Variants in SLC16A7 observed in about 807,000 individuals in gnomAD.
The protein encoded by SLC16A7 is solute carrier family 16 member 7, also known as monocarboxylate transporter 2.
A neutral mutation model predicts 34.9 loss-of-function variants in SLC16A7; 33 were observed. That is an observed-to-expected ratio of 0.94 (90% CI 0.72 to 1.26). SLC16A7 has a LOEUF of 1.26. Ranked by LOEUF, SLC16A7 falls within the 50% of genes most tolerant of loss-of-function variation. The pLI is 0.00. For missense variants in SLC16A7, 573 were observed against 578.1 expected (o/e 0.99, Z 0.09); for synonymous variants, 201 against 206.6 (o/e 0.97, Z 0.23).
chr12:59,696,353 T>C (rs1872291027), intron 2 of SLC16A7: 1 of 152,060 alleles, frequency 6.6e-6, no homozygotes, highest in Non-Finnish European at 1.5e-5. Context: ...GCTTATTGAA[T>C]TCAAATATGC....
chr12:59,621,968 T>C (rs939855071), intron 1 of SLC16A7, among the ~76,000 whole-genome samples: 3 of 151,814 alleles, frequency 2.0e-5, no homozygotes, highest in Non-Finnish European at 4.4e-5. Flanking sequence ...ACGCACACTT[T>C]TGTGGTCTCT....
At chr12:59,764,723 A>C (rs1881404182) in intron 3 of SLC16A7, among the ~76,000 whole-genome samples, 1 of 152,104 alleles carries the variant, frequency 6.6e-6, no homozygotes, top group Non-Finnish European at 1.5e-5. Context: ...TTCTTAATCC[A>C]GTCTATCATT....
At chr12:59,764,554 T>C (rs1306948236) in intron 3 of SLC16A7, among the ~76,000 whole-genome samples, 1 of 146,372 alleles carries the variant, frequency 6.8e-6, no homozygotes, top group African/African-American at 2.5e-5. Context: ...CATTGTTCAA[T>C]TCCCACCTGT....
intron 2 of SLC16A7, among the ~76,000 whole-genome samples, chr12:59,686,903 T>C (rs924151616): frequency 3.9e-5 from 6 of 151,996 alleles, no homozygotes; most frequent in African/African-American, 1.2e-4. Context: ...AACAATATAT[T>C]ATATATTTGA....
chr12:59,600,694 A>G (rs1878639797), intron 1 of SLC16A7, among the ~76,000 whole-genome samples: 1 of 152,214 alleles, frequency 6.6e-6, no homozygotes, highest in African/African-American at 2.4e-5. Flanking sequence ...ATCATTAAAA[A>G]TGTGGGAGAA....
intron 1 of SLC16A7, among the ~76,000 whole-genome samples, chr12:59,619,175 G>C (rs1182270391): frequency 6.6e-6 from 1 of 151,868 alleles, no homozygotes; most frequent in Non-Finnish European, 1.5e-5. Flanking sequence ...ATTCCTTTTT[G>C]GATTTGTAGG....
intron 4 of SLC16A7, among the ~76,000 whole-genome samples, chr12:59,773,638 C>G (rs1882451030): frequency 6.6e-6 from 1 of 150,398 alleles, no homozygotes; most frequent in African/African-American, 2.5e-5. Context: ...GATCTCGGCT[C>G]ACTGCAATCT....
chr12:59,651,956 T>C (rs1314377899), intron 1 of SLC16A7, among the ~76,000 whole-genome samples: 1 of 152,132 alleles, frequency 6.6e-6, no homozygotes, highest in African/African-American at 2.4e-5. Context: ...GCTTGAGGTA[T>C]TAATAAATAT....
chr12:59,675,231 G>A (rs944969971), intron 2 of SLC16A7, among the ~76,000 whole-genome samples: 3 of 152,168 alleles, frequency 2.0e-5, no homozygotes, highest in African/African-American at 2.4e-5. Flanking sequence ...ACTGATCGTA[G>A]TGTTATGGGC....
intron 3 of SLC16A7, among the ~76,000 whole-genome samples, chr12:59,765,912 AT>A (rs1165880381): frequency 6.6e-6 from 1 of 152,132 alleles, no homozygotes; most frequent in African/African-American, 2.4e-5. Context: ...GAATCTATAA[AT>A]TACCTTGGGC....
chr12:59,616,320 T>G (rs952171772), intron 1 of SLC16A7, among the ~76,000 whole-genome samples: 1 of 152,198 alleles, frequency 6.6e-6, no homozygotes, highest in African/African-American at 2.4e-5. Flanking sequence ...ATTTTGTCAT[T>G]GACTTTGAGC....
chr12:59,634,085 A>T (rs1880310130), intron 1 of SLC16A7, among the ~76,000 whole-genome samples: 1 of 152,094 alleles, frequency 6.6e-6, no homozygotes, highest in East Asian at 1.9e-4. Flanking sequence ...CGGGTTCATT[A>T]TCTTGTCCGT....
chr12:59,702,194 A>G (rs997722078), intron 2 of SLC16A7, among the ~76,000 whole-genome samples: 4 of 151,906 alleles, frequency 2.6e-5, no homozygotes, highest in African/African-American at 4.8e-5. Flanking sequence ...GCTATTTTCA[A>G]CTGGTTTCAC....
intron 1 of SLC16A7, among the ~76,000 whole-genome samples, chr12:59,619,734 A>T (rs1411626533): frequency 6.6e-6 from 1 of 151,970 alleles, no homozygotes; most frequent in Non-Finnish European, 1.5e-5. Flanking sequence ...CTCTGTTGGC[A>T]TGTGCAAGTG....
intron 1 of SLC16A7, among the ~76,000 whole-genome samples, chr12:59,602,691 G>T (rs1026710093): frequency 4.6e-5 from 7 of 151,710 alleles, no homozygotes; most frequent in African/African-American, 1.5e-4. Flanking sequence ...CACCATATTG[G>T]CCAGGCTGGT....
chr12:59,732,336 C>A (rs1409016864), intron 3 of SLC16A7, among the ~76,000 whole-genome samples: 1 of 152,096 alleles, frequency 6.6e-6, no homozygotes, highest in Non-Finnish European at 1.5e-5. Flanking sequence ...AGAAGAATTG[C>A]TTGAACCTGG....
chr12:59,779,535 G>T lies in SLC16A7; in HGVS notation c.1293G>T (p.Leu431Phe), dbSNP rs1883083962. The change falls in exon 6 of 6, where the codon TTG becomes TTT. Residue 431 changes from leucine (L) to phenylalanine (F), a missense_variant. Transcript: ENST00000547379. ...TTGGCAATGCTATCAACTATAGATTGCTTGCAAAGGAAAGGAAGGAGGAAA... is the reference window on the plus strand; with the variant it reads ...TTGGCAATGCTATCAACTATAGATTTCTTGCAAAGGAAAGGAAGGAGGAAA... ...LLIGNAINYR[L>F]LAKERKEENA... 6.2e-7 allele frequency: 1 copy of T among 1,612,944 alleles called. No individual in the cohort carries two copies. The highest frequency in any genetic ancestry group is 1.7e-5 in the Admixed American group (1 of 59,814).
chr12:59,597,079 G>C (rs1023880070), intron 1 of SLC16A7: 6 of 152,252 alleles, frequency 3.9e-5, no homozygotes, highest in African/African-American at 1.4e-4. Flanking sequence ...GCATCGCGGC[G>C]CCCTTCTCCA....
intron 3 of SLC16A7, among the ~76,000 whole-genome samples, chr12:59,741,675 A>T (rs1373899754): frequency 6.6e-6 from 1 of 152,204 alleles, no homozygotes; most frequent in Non-Finnish European, 1.5e-5. Flanking sequence ...TCTGAAGAAA[A>T]TTCACGGGAA....
Sources: allele counts gnomAD v4.1 joint callset (sites outside exome capture counted in the v4.1 genomes callset), GRCh38; gene constraint gnomAD v4.1.1; transcripts MANE v1.5; gene names NCBI Gene and HGNC (gene_info 2026-07-23, HGNC 2026-07-21).